The following RBM33 variants were observed in gnomAD, a reference collection of about 807,000 sequenced individuals.
The protein encoded by RBM33 is RNA-binding protein 33.
Under a neutral mutation model 132.6 loss-of-function variants are expected in RBM33, and 28 were observed. The observed-to-expected ratio is 0.21, with a 90% confidence interval of 0.16 to 0.29. The LOEUF is 0.29. Ranked by LOEUF, RBM33 falls within the 10% of genes least tolerant of loss-of-function variation. The pLI, the probability that RBM33 is intolerant of heterozygous loss-of-function variation, is 1.00. For synonymous variants in RBM33, 634 were observed against 593.0 expected, an observed-to-expected ratio of 1.07 and a Z score of -1.01; for missense variants, 1,291 against 1,518.5, an observed-to-expected ratio of 0.85 and a Z score of 2.49.
At chr7:155,646,062 C>T (rs1798180145) in intron 1 of RBM33, among the ~76,000 whole-genome samples, 1 of 152,116 alleles carries the variant, frequency 6.6e-6, no homozygotes, top group Non-Finnish European at 1.5e-5. Context: ...ACCTATCTTT[C>T]TGGGGGTCAG....
chr7:155,774,748 C>G lies in RBM33; in HGVS notation c.3464+101C>G. ...CATGGTAGCAAGCGTGTGTCCCCAC[C>G]TGTTCCTGTAGAAGGACACTAGGGC... On this transcript the variant is annotated intron_variant, in intron 17 of 17. Transcript: ENST00000401878. This position sits in a 1 kb window ranked among gnomAD's most constrained non-coding sequence, Gnocchi z 4.2. 1 of 1,014,822 alleles carries G rather than the reference C, an allele frequency of 9.9e-7. No homozygotes were observed. Among genetic ancestry groups the G allele is most frequent in the South Asian group, 1.3e-5 (1 of 77,038 alleles). 62.9% of individuals were successfully genotyped at this position (1,014,822 alleles called of 1,614,324 possible). A position where few individuals can be genotyped will look rare whatever the true frequency, so the allele number is the denominator to read the frequency against.
Position 155,774,917 on chromosome 7 carries a change from T to C in RBM33, c.3465-76T>C, listed in dbSNP as rs1802553658. On this transcript the variant is annotated intron_variant, in intron 17 of 17. Coordinates refer to ENST00000401878, the MANE Select transcript of RBM33 (RefSeq NM_053043.3). This position sits in a 1 kb window ranked among gnomAD's most constrained non-coding sequence, Gnocchi z 4.2. ...ATTAAACAGGACCCACCGGGCTCTT[T>C]TAGTTTCCTCCCACCTTGGTAGGTT... is the stretch of plus-strand genomic sequence containing the variant. 2.1e-6 allele frequency: 3 copies of C among 1,397,120 alleles called. No individual in the cohort carries two copies. The highest frequency in any genetic ancestry group is 1.4e-5 in the African/African-American group (1 of 70,416). 86.5% of individuals were successfully genotyped at this position (1,397,120 alleles called of 1,614,324 possible).
intron 1 of RBM33, among the ~76,000 whole-genome samples, chr7:155,651,828 GACAA>G (rs1051876680): frequency 1.3e-5 from 2 of 152,120 alleles, no homozygotes; most frequent in African/African-American, 2.4e-5. Context: ...TTTGTTGAAA[GACAA>G]ACAAATGACC....
intron 14 of RBM33, among the ~76,000 whole-genome samples, chr7:155,753,346 C>G (rs574366381): frequency 6.6e-6 from 1 of 152,204 alleles, no homozygotes; most frequent in South Asian, 2.1e-4. Context: ...TGTTAAGTGG[C>G]AAATCTGCAG....
chr7:155,727,719 T>G (rs778090939), intron 9 of RBM33, among the ~76,000 whole-genome samples: 1 of 152,238 alleles, frequency 6.6e-6, no homozygotes, highest in Non-Finnish European at 1.5e-5. Flanking sequence ...CCAGGTGAGC[T>G]CTCCCTTCTG....
chr7:155,765,983 C>T (rs1385965310), intron 15 of RBM33, among the ~76,000 whole-genome samples: 4 of 152,124 alleles, frequency 2.6e-5, no homozygotes, highest in East Asian at 1.9e-4. Flanking sequence ...TCTCTGCCAG[C>T]GGAGTCAGGT....
intron 4 of RBM33, among the ~76,000 whole-genome samples, chr7:155,679,769 A>G (rs1290088863): frequency 6.6e-6 from 1 of 152,192 alleles, no homozygotes; most frequent in Non-Finnish European, 1.5e-5. Flanking sequence ...TTAGAAATAC[A>G]TCATTGAAGT....
At chr7:155,767,737 A>G (rs1467631862) in intron 16 of RBM33, among the ~76,000 whole-genome samples, 2 of 152,210 alleles carry the variant, frequency 1.3e-5, no homozygotes, top group African/African-American at 4.8e-5. Context: ...TCTGTTTGTG[A>G]TAGAGCGGGC....
intron 1 of RBM33, among the ~76,000 whole-genome samples, chr7:155,663,759 C>T (rs1798720711): frequency 6.6e-6 from 1 of 152,164 alleles, no homozygotes; most frequent in African/African-American, 2.4e-5. Flanking sequence ...TTTATATCAT[C>T]TGGCCCTACC....
rs1802617350 is a variant in RBM33, at chr7:155,776,509, A to T, written c.*1468A>T. The T allele has an allele frequency of 6.6e-6, 1 of 152,394 alleles. No individual in the cohort carries two copies. Among genetic ancestry groups the T allele is most frequent in the East Asian group, 1.9e-4 (1 of 5,190 alleles). 9.4% of individuals were successfully genotyped at this position (152,394 alleles called of 1,614,324 possible). A position where few individuals can be genotyped will look rare whatever the true frequency, so the allele number is the denominator to read the frequency against. On this transcript the variant is annotated 3_prime_UTR_variant, in exon 18 of 18. Transcript: ENST00000401878. This position sits in a 1 kb window ranked among gnomAD's most constrained non-coding sequence, Gnocchi z 4.0. ...TTATATTACTTTCTCAAATTAAGTT[A>T]CCAAAACAAACTGAAGAGCTGAAGC... is the stretch of plus-strand genomic sequence containing the variant.
chr7:155,650,192 A>G (rs1798318360), intron 1 of RBM33, among the ~76,000 whole-genome samples: 1 of 152,198 alleles, frequency 6.6e-6, no homozygotes, highest in African/African-American at 2.4e-5. Context: ...TAGCTCTGAG[A>G]GAGTTCTGAA....
rs547312127 is a variant in RBM33, at chr7:155,781,387, G to C, written c.*6346G>C. The C allele has an allele frequency of 6.6e-6, 1 of 152,344 alleles. No individual in the cohort carries two copies. Among genetic ancestry groups the C allele is most frequent in the South Asian group, 2.1e-4 (1 of 4,830 alleles). 9.4% of individuals were successfully genotyped at this position (152,344 alleles called of 1,614,324 possible). A position where few individuals can be genotyped will look rare whatever the true frequency, so the allele number is the denominator to read the frequency against. On this transcript the variant is annotated 3_prime_UTR_variant, in exon 18 of 18. Transcript: ENST00000401878. ...AGTTGAAAGGAAAATGTACTGTTGTGTGTTTCATTTGTGTGATTTCGTACC... is the reference window on the plus strand; with the variant it reads ...AGTTGAAAGGAAAATGTACTGTTGTCTGTTTCATTTGTGTGATTTCGTACC...
At chr7:155,709,586 A>C (rs1800219286) in intron 7 of RBM33, among the ~76,000 whole-genome samples, 1 of 152,188 alleles carries the variant, frequency 6.6e-6, no homozygotes. Context: ...TTGTTTAATC[A>C]AACAAACATG....
At chr7:155,753,370 G>T (rs914455399) in intron 14 of RBM33, among the ~76,000 whole-genome samples, 1 of 152,238 alleles carries the variant, frequency 6.6e-6, no homozygotes, top group East Asian at 1.9e-4. Flanking sequence ...TAACTTGTTT[G>T]TGGTGAAGAC....
intron 9 of RBM33, among the ~76,000 whole-genome samples, chr7:155,734,201 A>G (rs1801041391): frequency 6.6e-6 from 1 of 152,204 alleles, no homozygotes; most frequent in South Asian, 2.1e-4. Context: ...TTCACTTTTG[A>G]GATCATCCCC....
intron 5 of RBM33, among the ~76,000 whole-genome samples, chr7:155,687,814 T>C (rs1799522709): frequency 6.6e-6 from 1 of 152,202 alleles, no homozygotes; most frequent in Non-Finnish European, 1.5e-5. Flanking sequence ...TTGAGGGCTC[T>C]GTTCTGTTCC....
intron 14 of RBM33, among the ~76,000 whole-genome samples, chr7:155,752,781 G>A (rs997982206): frequency 2.0e-5 from 3 of 152,130 alleles, no homozygotes; most frequent in African/African-American, 7.2e-5. Context: ...CATGCCTCTG[G>A]CCCACTTATT....
chr7:155,682,167 C>T (rs1223673061), intron 5 of RBM33, among the ~76,000 whole-genome samples: 2 of 152,106 alleles, frequency 1.3e-5, no homozygotes, highest in Non-Finnish European at 1.5e-5. Context: ...GTTATCCGCC[C>T]GCCTCGTCCT....
chr7:155,741,230 C>A (rs73167163), intron 12 of RBM33, among the ~76,000 whole-genome samples: 4 of 151,784 alleles, frequency 2.6e-5, no homozygotes, highest in Non-Finnish European at 5.9e-5. Flanking sequence ...CCCCCTCCCC[C>A]CTTCCAGCTC....
Sources: gnomAD v4.1 joint callset for allele counts (sites outside exome capture counted in the v4.1 genomes callset) on GRCh38, gnomAD v4.1.1 for gene constraint, Gnocchi (gnomAD v3.1) non-coding constraint, MANE v1.5 for transcripts, NCBI Gene and HGNC (gene_info 2026-07-23, HGNC 2026-07-21) for gene names.